DIAPH2: variants seen among roughly 807,000 people sequenced by gnomAD.
The protein encoded by DIAPH2 is protein diaphanous homolog 2.
A neutral mutation model predicts 92.7 loss-of-function variants in DIAPH2; 35 were observed. The ratio of observed to expected loss-of-function variants is 0.38; its 90% confidence interval spans 0.29 to 0.50. The LOEUF (loss-of-function observed/expected upper bound fraction) is 0.50. Among genes scored for constraint, DIAPH2 ranks in the 20% least tolerant of loss-of-function variants. DIAPH2 has a pLI of 0.94. For missense variants in DIAPH2, 701 were observed against 819.5 expected (o/e 0.86, Z 1.77); for synonymous variants, 301 against 280.4 (o/e 1.07, Z -0.73).
intron 17 of DIAPH2, among the ~76,000 whole-genome samples, chrX:97,031,681 A>C (rs746105103): frequency 9.0e-6 from 1 of 111,602 alleles, no homozygotes; most frequent in East Asian, 2.8e-4. Flanking sequence ...CGGGGAATGC[A>C]AGGATAGTGG....
intron 21 of DIAPH2, 102 bp downstream of exon 21, chrX:97,115,067 C>A: frequency 2.5e-6 from 2 of 793,790 alleles, no homozygotes; most frequent in Non-Finnish European, 1.7e-6. Context: ...AAATTGTATG[C>A]TTAAAAAGGG....
intron 5 of DIAPH2, among the ~76,000 whole-genome samples, chrX:96,885,891 A>G (rs1156371881): frequency 8.9e-6 from 1 of 111,792 alleles, no homozygotes; most frequent in African/African-American, 3.2e-5. Context: ...TTTTATGTAT[A>G]AAAAGGTAAT....
chrX:96,930,413 T>C (rs1447115141), intron 9 of DIAPH2, among the ~76,000 whole-genome samples: 1 of 111,141 alleles, frequency 9.0e-6, no homozygotes, highest in East Asian at 2.8e-4. Flanking sequence ...AAGATACATT[T>C]TGTGATCTTT....
At chrX:97,557,297 G>A (rs2071264131) in intron 26 of DIAPH2, among the ~76,000 whole-genome samples, 1 of 111,606 alleles carries the variant, frequency 9.0e-6, no homozygotes. Context: ...CCAGCACTTT[G>A]GGAGGCCGAA....
At chrX:97,197,889 C>A (rs745537900) in intron 22 of DIAPH2, among the ~76,000 whole-genome samples, 71 of 111,526 alleles carry the variant, frequency 6.4e-4, no homozygotes, top group Admixed American at 2.6e-3. Flanking sequence ...CTTTAAAAAC[C>A]AGTTATTTTA....
chrX:96,872,682 C>T (rs1175484050), intron 4 of DIAPH2, among the ~76,000 whole-genome samples: 1 of 108,481 alleles, frequency 9.2e-6, no homozygotes, highest in Non-Finnish European at 1.9e-5. Context: ...TTAGTAGAGG[C>T]GGGGTTTAAC....
chrX:97,347,466 C>A (rs2069169288), intron 23 of DIAPH2, among the ~76,000 whole-genome samples: 1 of 110,126 alleles, frequency 9.1e-6, no homozygotes, highest in South Asian at 3.9e-4. Context: ...ATAGTTTTTT[C>A]TTTAAGTTTT....
Position 97,106,956 on chromosome X carries a change from G to C in DIAPH2, c.2349+7161G>C, listed in dbSNP as rs533845738. 4.1e-4 allele frequency among the ~76,000 whole-genome samples: 46 copies of C among 111,658 alleles called. No individual in the cohort carries two copies. The South Asian group carries it at 0.017, about 42-fold the overall frequency. The stretch of plus-strand genomic sequence containing the variant: ...CAAAAAAAAAGAAATGTTGATGGCT[G>C]TTCTTGGCCTCAAACATGTTTTCAG... On this transcript the variant is annotated intron_variant, in intron 20 of 26. Coordinates refer to ENST00000324765, the MANE Select transcript of DIAPH2 (RefSeq NM_006729.5).
At chrX:96,813,718 G>C (rs1406616857) in intron 4 of DIAPH2, among the ~76,000 whole-genome samples, 1 of 111,667 alleles carries the variant, frequency 9.0e-6, no homozygotes, top group Non-Finnish European at 1.9e-5. Flanking sequence ...AGGCAGGCCT[G>C]GTGGTGACAA....
At chrX:96,839,715 T>C (rs771286401) in intron 4 of DIAPH2, among the ~76,000 whole-genome samples, 2 of 112,274 alleles carry the variant, frequency 1.8e-5, no homozygotes, top group Non-Finnish European at 3.8e-5. Context: ...GTAATAAACT[T>C]AAATTTCATG....
chrX:96,809,341 TA>T (rs72177977), intron 4 of DIAPH2, among the ~76,000 whole-genome samples: 11,237 of 99,246 alleles, frequency 0.11, 554 homozygotes, highest in East Asian at 0.32. Flanking sequence ...AAAATGTGGT[TA>T]AAAAAAAAAA....
At chrX:96,841,402 T>C (rs1483357873) in intron 4 of DIAPH2, among the ~76,000 whole-genome samples, 1 of 111,868 alleles carries the variant, frequency 8.9e-6, no homozygotes, top group Non-Finnish European at 1.9e-5. Context: ...TCTTAAGTAA[T>C]GAAATATCTT....
chrX:97,347,091 T>A (rs1480210264), intron 23 of DIAPH2, among the ~76,000 whole-genome samples: 1 of 100,603 alleles, frequency 9.9e-6, no homozygotes, highest in African/African-American at 3.6e-5. Flanking sequence ...ACCTCTTTTT[T>A]TTTTTTTTTT....
Position 96,895,508 on chromosome X carries a change from A to G in DIAPH2, c.587+13790A>G, listed in dbSNP as rs375065972. ...ATTTGGAATCACATAATAATGTTCC[A>G]CTATTTAAAATAATAATCCTTAGTA... On this transcript the variant is annotated intron_variant, in intron 5 of 26. Coordinates refer to ENST00000324765, the MANE Select transcript of DIAPH2 (RefSeq NM_006729.5). 8.9e-5 allele frequency among the ~76,000 whole-genome samples: 10 copies of G among 112,143 alleles called. No individual in the cohort carries two copies. The East Asian group carries it at 2.2e-3, about 25-fold the overall frequency.
intron 4 of DIAPH2, among the ~76,000 whole-genome samples, chrX:96,821,073 C>A (rs1294199069): frequency 1.8e-5 from 2 of 111,331 alleles, no homozygotes; most frequent in African/African-American, 6.5e-5. Context: ...GTAGTATGAG[C>A]GCCAAGTGAT....
chrX:97,116,405 T>C lies in DIAPH2; in HGVS notation c.2589+1440T>C, dbSNP rs182799845. On this transcript the variant is annotated intron_variant, in intron 21 of 26. Transcript: ENST00000324765. The stretch of plus-strand genomic sequence containing the variant: ...TTTACCCCCATCTTCTTGTGATATT[T>C]GGGGACATGTAAAATCATTTCATAA... 4.5e-3 allele frequency among the ~76,000 whole-genome samples: 501 copies of C among 112,150 alleles called. 5 individuals carry two copies. Among genetic ancestry groups the C allele is most frequent in the African/African-American group, 0.016 (490 of 30,960 alleles).
intron 22 of DIAPH2, among the ~76,000 whole-genome samples, chrX:97,150,948 G>A (rs1389103773): frequency 8.9e-6 from 1 of 111,961 alleles, no homozygotes; most frequent in Non-Finnish European, 1.9e-5. Flanking sequence ...AATTTTCTGG[G>A]TGCTTGGAGT....
chrX:96,951,869 G>A (rs1025596338), intron 15 of DIAPH2, among the ~76,000 whole-genome samples: 6 of 111,105 alleles, frequency 5.4e-5, no homozygotes, highest in Admixed American at 4.8e-4. Context: ...TTAAATAATA[G>A]CATTTTGTGG....
At chrX:96,994,412 T>G (rs1342384695) in intron 17 of DIAPH2, among the ~76,000 whole-genome samples, 1 of 111,668 alleles carries the variant, frequency 9.0e-6, no homozygotes, top group South Asian at 3.8e-4. Context: ...TCAGACATAA[T>G]ACATTTGAGA....
Sources: gnomAD v4.1 joint callset for allele counts (sites outside exome capture counted in the v4.1 genomes callset) on GRCh38, gnomAD v4.1.1 for gene constraint, MANE v1.5 for transcripts, NCBI Gene and HGNC (gene_info 2026-07-23, HGNC 2026-07-21) for gene names.